DCAF6: variants seen among roughly 807,000 people sequenced by gnomAD.
DCAF6 encodes DDB1 and CUL4 associated factor 6.
DCAF6 carries 54 observed loss-of-function variants against 125.1 expected under a neutral mutation model. The observed-to-expected ratio is 0.43, with a 90% CI of 0.35 to 0.54. DCAF6 has a LOEUF of 0.54. Among genes scored for constraint, DCAF6 ranks in the 20% least tolerant of loss-of-function variants. DCAF6 has a pLI of 0.01. For synonymous variants in DCAF6, 371 were observed against 390.4 expected, an observed-to-expected ratio of 0.95 and a Z score of 0.58; for missense variants, 934 against 1,161.7, an observed-to-expected ratio of 0.80 and a Z score of 2.85.
chr1:168,036,312 C>G (rs773092879), intron 12 of DCAF6, among the ~76,000 whole-genome samples: 3 of 152,166 alleles, frequency 2.0e-5, no homozygotes, highest in Non-Finnish European at 4.4e-5. Flanking sequence ...TTAAATTCCA[C>G]AAGGCTTCTC....
At chr1:168,059,291 T>TCTG (rs1158151930) in intron 17 of DCAF6, among the ~76,000 whole-genome samples, 1 of 152,240 alleles carries the variant, frequency 6.6e-6, no homozygotes, top group African/African-American at 2.4e-5. Context: ...TTCCCAGTGA[T>TCTG]CTGCTATCCC....
At chr1:167,942,263 C>T (rs961828674) in intron 1 of DCAF6, among the ~76,000 whole-genome samples, 4 of 151,620 alleles carry the variant, frequency 2.6e-5, no homozygotes, top group Non-Finnish European at 4.4e-5. Context: ...GGGGTTTTGC[C>T]ATGTTGGTCA....
At chr1:167,900,561 T>C in the DCAF6 span, among the ~76,000 whole-genome samples, 3 of 152,246 alleles carry the variant, frequency 2.0e-5, no homozygotes, top group South Asian at 4.1e-4. Context: ...AGATGGAGTT[T>C]CACGCTTGTT....
intron 12 of DCAF6, chr1:168,024,185 C>A (rs1261246336): frequency 1.3e-5 from 2 of 149,758 alleles, no homozygotes; most frequent in Non-Finnish European, 3.0e-5. Flanking sequence ...CCACTGCACT[C>A]CAGCCTGGGT....
the DCAF6 span, chr1:167,903,751 A>G: frequency 1.5e-6 from 1 of 686,290 alleles, no homozygotes; most frequent in Non-Finnish European, 2.6e-6. Context: ...ATTTCAAAAA[A>G]GACTGGTTTT....
rs139871460 is a variant in DCAF6 at position 167,945,004 on chromosome 1, C to T, written c.98-6796C>T. Among the ~76,000 whole-genome samples the T allele has an allele frequency of 4.2e-3, 639 of 152,266 alleles. 1 individual carries two copies. Among genetic ancestry groups the T allele is most frequent in the Middle Eastern group, 0.041 (12 of 294 alleles). ...TCGTTTCCACAGTGTATGTTCTTGTCGGCTTTGTCAAACATCAGTTGGCTG... is the reference window on the plus strand; with the variant it reads ...TCGTTTCCACAGTGTATGTTCTTGTTGGCTTTGTCAAACATCAGTTGGCTG... On this transcript the variant is annotated intron_variant, in intron 1 of 21. Coordinates refer to ENST00000367840, the MANE Select transcript of DCAF6 (RefSeq NM_001198956.2).
intron 4 of DCAF6, among the ~76,000 whole-genome samples, chr1:167,978,983 A>T (rs1352191609): frequency 1.3e-5 from 2 of 152,132 alleles, no homozygotes; most frequent in Non-Finnish European, 2.9e-5. Context: ...GTTGTCTAAT[A>T]TGTTGGTCTG....
At chr1:168,056,710 A>G (rs1012883220) in intron 17 of DCAF6, among the ~76,000 whole-genome samples, 5 of 152,240 alleles carry the variant, frequency 3.3e-5, no homozygotes, top group African/African-American at 9.6e-5. Context: ...ACTTGCAGCA[A>G]GAAACCTCTT....
intron 1 of DCAF6, among the ~76,000 whole-genome samples, chr1:167,939,489 G>A (rs1671899020): frequency 1.3e-5 from 2 of 152,050 alleles, no homozygotes; most frequent in South Asian, 4.1e-4. Flanking sequence ...TTGGCCGGGC[G>A]CGGTGGCTTA....
At chr1:168,039,602 TATA>T (rs1047142480) in intron 13 of DCAF6, among the ~76,000 whole-genome samples, 10 of 147,886 alleles carry the variant, frequency 6.8e-5, no homozygotes, top group African/African-American at 9.8e-5. Context: ...AATATAGTTG[TATA>T]ATATTTGTTA....
chr1:167,875,844 T>G, the DCAF6 span, among the ~76,000 whole-genome samples: 1 of 152,086 alleles, frequency 6.6e-6, no homozygotes, highest in South Asian at 2.1e-4. Flanking sequence ...TCCCAGCTAC[T>G]CAGGGGGCTG....
the DCAF6 span, among the ~76,000 whole-genome samples, chr1:167,912,225 G>C: frequency 5.9e-5 from 9 of 152,146 alleles, no homozygotes; most frequent in African/African-American, 1.9e-4. Flanking sequence ...AGAGGAAAAG[G>C]GGTCCTTGGG....
At chr1:168,045,565 T>C (rs1689063920) in intron 16 of DCAF6, among the ~76,000 whole-genome samples, 1 of 152,200 alleles carries the variant, frequency 6.6e-6, no homozygotes, top group Non-Finnish European at 1.5e-5. Context: ...GATTATCTTG[T>C]AGATATCCAG....
At chr1:167,925,442 C>CGTGTATATATATATATATATAT in the DCAF6 span, among the ~76,000 whole-genome samples, 1 of 82,476 alleles carries the variant, frequency 1.2e-5, no homozygotes, top group Admixed American at 1.3e-4. Flanking sequence ...TACATATACA[C>CGTGTATATATATATATATATAT]ATATATATAT....
At chr1:167,894,823 G>C in the DCAF6 span, among the ~76,000 whole-genome samples, 1 of 152,180 alleles carries the variant, frequency 6.6e-6, no homozygotes, top group Non-Finnish European at 1.5e-5. Flanking sequence ...CTTGCAGCTA[G>C]TGTCTGAAGT....
Position 168,068,440 on chromosome 1 carries a change from C to T in DCAF6, c.2768C>T (p.Ala923Val). Reference protein sequence around the residue: ...VPASFMLRMLASLNHIRADRL... With the variant: ...VPASFMLRMLVSLNHIRADRL... The stretch of plus-strand genomic sequence containing the variant: ...GCCTCTTTCATGTTGAGGATGTTGG[C>T]TTCACTTAATCATATCCGAGCTGGT... Residue 923 changes from alanine to valine, a missense_variant, in exon 21 of 22, where the codon GCT (alanine) becomes GTT (valine). Physicochemically the swap from Ala to Val is moderately conservative, Grantham distance 64. This residue lies in a region of DCAF6 where 36 missense variants were observed against 39.8 expected (regional missense o/e 0.91). Transcript: ENST00000367840. 1 of 1,547,330 alleles carries T rather than the reference C, an allele frequency of 6.5e-7. No individual in the cohort carries two copies. The highest frequency in any genetic ancestry group is 1.2e-5 in the South Asian group (1 of 80,456).
intron 13 of DCAF6, among the ~76,000 whole-genome samples, chr1:168,040,549 A>G (rs1271257760): frequency 2.6e-5 from 4 of 151,766 alleles, no homozygotes; most frequent in South Asian, 2.1e-4. Context: ...GTAGGACTTT[A>G]TAAGTCTTAG....
chr1:168,021,539 T>C (rs539952194), intron 11 of DCAF6, among the ~76,000 whole-genome samples: 1 of 152,350 alleles, frequency 6.6e-6, no homozygotes, highest in East Asian at 1.9e-4. Flanking sequence ...ATTAGGGAAC[T>C]GATTGAAATG....
intron 4 of DCAF6, among the ~76,000 whole-genome samples, chr1:167,977,312 G>A (rs1678402951): frequency 7.9e-6 from 1 of 125,964 alleles, no homozygotes; most frequent in Non-Finnish European, 1.7e-5. Context: ...TCTTTCCTTT[G>A]TGAAAAATGT....
Sources: gnomAD v4.1 joint callset for allele counts (sites outside exome capture counted in the v4.1 genomes callset) on GRCh38, gnomAD v4.1.1 for gene constraint, gnomAD v4.1.1 regional missense constraint, MANE v1.5 for transcripts, NCBI Gene and HGNC (gene_info 2026-07-23, HGNC 2026-07-21) for gene names.